ARFGAP2: variants seen among roughly 807,000 people sequenced by gnomAD.
ARFGAP2 encodes the protein ARF GTPase activating protein 2.
Under a neutral mutation model 71.9 loss-of-function variants are expected in ARFGAP2, and 45 were observed. The observed-to-expected ratio is 0.63, with a 90% CI of 0.49 to 0.80. ARFGAP2 has a LOEUF of 0.80. Ranked by LOEUF, ARFGAP2 falls within the 30% of genes least tolerant of loss-of-function variation. The pLI is 0.00. For synonymous variants in ARFGAP2, 248 were observed against 249.2 expected (o/e 1.00, Z 0.05); for missense variants, 633 against 673.9 (o/e 0.94, Z 0.67).
Position 47,173,478 on chromosome 11 carries a change from C to T in ARFGAP2, c.567G>A (p.Pro189=), listed in dbSNP as rs1364493455. The T allele has an allele frequency of 2.6e-6, 4 of 1,556,762 alleles. No homozygotes were observed. Among genetic ancestry groups the T allele is most frequent in the African/African-American group, 2.7e-5 (2 of 73,478 alleles). Residue 189 remains proline, a synonymous_variant, in exon 7 of 16, where the codon CCG becomes CCA. Transcript: ENST00000524782. ...GCAGGTCTGTGTTGGGGCCATGCTC[C>T]GGCTCTGTGGATGCAATGGTAGGAG... ...PSTESSGLAQ[P]EHGPNTDLLG... is the part of the protein sequence containing the mutation.
At chr11:47,175,997 C>T in intron 2 of ARFGAP2, 74 bp from the exon 3 acceptor site, 1 of 1,533,858 alleles carries the variant, frequency 6.5e-7, no homozygotes. Flanking sequence ...ATACCTGTCA[C>T]TTGGCCTCAG....
At chr11:47,174,872 G>C in intron 5 of ARFGAP2, 143 bp downstream of exon 5, 5 of 853,246 alleles carry the variant, frequency 5.9e-6, no homozygotes, top group Non-Finnish European at 9.5e-6. Context: ...GGCCTACCCA[G>C]CAGGAACAGT....
chr11:47,170,182 G>C (rs1382314999), intron 10 of ARFGAP2, among the ~76,000 whole-genome samples: 1 of 150,536 alleles, frequency 6.6e-6, no homozygotes, highest in Non-Finnish European at 1.5e-5. Flanking sequence ...AAATAAGCTG[G>C]GCATGGTGGC....
rs1952299430 is a variant in ARFGAP2 at position 47,165,165 on chromosome 11, A to C, written c.*317T>G. ...GGAAAGTCTGGACCCAGAATAAGCC[A>C]TCGTGGGGGAACCCCCTTTCCCAGT... On this transcript the variant is annotated 3_prime_UTR_variant, in exon 16 of 16. Coordinates refer to ENST00000524782, the MANE Select transcript of ARFGAP2 (RefSeq NM_032389.6). The C allele has an allele frequency of 2.8e-6, 1 of 358,058 alleles. No individual in the cohort carries two copies. 22.2% of individuals were successfully genotyped at this position (358,058 alleles called of 1,614,324 possible).
Position 47,171,895 on chromosome 11 carries a change from C to G in ARFGAP2, c.673-95G>C, listed in dbSNP as rs944197471. On this transcript the variant is annotated intron_variant, in intron 8 of 15. Coordinates refer to ENST00000524782, the MANE Select transcript of ARFGAP2 (RefSeq NM_032389.6). Reference sequence around the variant, plus strand: ...TGTAGCCACACCCACAAGGAAAAGGCCCTTCTTAAAATTTAGGGTAAAAAA... The same window carrying G: ...TGTAGCCACACCCACAAGGAAAAGGGCCTTCTTAAAATTTAGGGTAAAAAA... 4.0e-6 allele frequency: 6 copies of G among 1,517,638 alleles called. No individual in the cohort carries two copies. The African/African-American group carries it at 4.2e-5, about 11-fold the overall frequency. 94.0% of individuals were successfully genotyped at this position (1,517,638 alleles called of 1,614,324 possible).
At chr11:47,168,502 G>C (rs993156403) in intron 10 of ARFGAP2, 1 of 370,796 alleles carries the variant, frequency 2.7e-6, no homozygotes, top group African/African-American at 2.1e-5. Flanking sequence ...GGCCAGTGAC[G>C]GTTTGCCTGT....
At chr11:47,170,403 T>C (rs932653170) in intron 10 of ARFGAP2, among the ~76,000 whole-genome samples, 2 of 151,300 alleles carry the variant, frequency 1.3e-5, no homozygotes, top group Non-Finnish European at 2.9e-5. Context: ...CCCAGCACTT[T>C]GGGAGGCTGA....
chr11:47,173,002 A>G (rs1441825695), intron 7 of ARFGAP2: 1 of 355,632 alleles, frequency 2.8e-6, no homozygotes, highest in Non-Finnish European at 5.5e-6. Flanking sequence ...TGTAGGAAAG[A>G]GTTAAAGGAC....
At chr11:47,173,627 T>C in intron 6 of ARFGAP2, 132 bp downstream of exon 6, 2 of 1,416,468 alleles carry the variant, frequency 1.4e-6, no homozygotes, top group Non-Finnish European at 1.9e-6. Flanking sequence ...CTCCAAGGAT[T>C]AAAATGAATC....
chr11:47,165,797 C>T (rs913705926), intron 15 of ARFGAP2, among the ~76,000 whole-genome samples: 2 of 152,126 alleles, frequency 1.3e-5, no homozygotes, highest in Admixed American at 6.5e-5. Flanking sequence ...TGGAGAGGCC[C>T]GGCCCTGGCA....
At chr11:47,170,044 A>C (rs1199692684) in intron 10 of ARFGAP2, among the ~76,000 whole-genome samples, 1 of 151,652 alleles carries the variant, frequency 6.6e-6, no homozygotes, top group Non-Finnish European at 1.5e-5. Flanking sequence ...TAATCCAAGC[A>C]CTGGGCGCCG....
chr11:47,175,381 G>A (rs759246102), intron 3 of ARFGAP2, 68 bp from the exon 4 acceptor site: 6 of 1,608,158 alleles, frequency 3.7e-6, no homozygotes, highest in Non-Finnish European at 4.3e-6. Flanking sequence ...GTTGGCTGTA[G>A]GAGACATCTC....
At chr11:47,172,114 GCTTTAAATCCCTTTAAAT>G (rs1214450321) in intron 8 of ARFGAP2, 149 bp downstream of exon 8, 1 of 808,572 alleles carries the variant, frequency 1.2e-6, no homozygotes, top group Non-Finnish European at 2.0e-6. Flanking sequence ...TTGAAGACAG[GCTTTAAATCCCTTTAAAT>G]CTTTAAATCC....
intron 9 of ARFGAP2, 34 bp downstream of exon 9, chr11:47,171,630 G>A (rs776305378): frequency 1.9e-5 from 30 of 1,613,594 alleles, no homozygotes; most frequent in Admixed American, 3.3e-5. Flanking sequence ...ACCAAGCCCC[G>A]CAGAAGCCTG....
intron 7 of ARFGAP2, chr11:47,172,692 C>A (rs976423407): frequency 7.6e-7 from 1 of 1,308,658 alleles, no homozygotes. Context: ...CTGGGCTCCC[C>A]AAGCAGCTGT....
At chr11:47,165,987 T>A (rs1014427760) in intron 15 of ARFGAP2, among the ~76,000 whole-genome samples, 1 of 152,142 alleles carries the variant, frequency 6.6e-6, no homozygotes, top group African/African-American at 2.4e-5. Context: ...TGCCTCAGCA[T>A]CCCGAGTAGC....
chr11:47,168,401 C>T, intron 10 of ARFGAP2, 150 bp from the exon 11 acceptor site: 2 of 979,904 alleles, frequency 2.0e-6, no homozygotes, highest in Non-Finnish European at 2.9e-6. Context: ...GGCCAGACCC[C>T]AACAGAAGGC....
chr11:47,164,384 A>C lies in ARFGAP2; in HGVS notation c.*1098T>G. ...TTTCAATACAAACAGTCCAGAAAGAAAGTCAAGTCCCTCTGGGGGAGGGGC... is the reference window on the plus strand; with the variant it reads ...TTTCAATACAAACAGTCCAGAAAGACAGTCAAGTCCCTCTGGGGGAGGGGC... On this transcript the variant is annotated 3_prime_UTR_variant, in exon 16 of 16. Transcript: ENST00000524782. 9.4e-7 allele frequency: 1 copy of C among 1,069,406 alleles called. No individual in the cohort carries two copies. 66.2% of individuals were successfully genotyped at this position (1,069,406 alleles called of 1,614,324 possible).
At chr11:47,172,383 C>T in intron 7 of ARFGAP2, 50 bp from the exon 8 acceptor site, 1 of 1,586,774 alleles carries the variant, frequency 6.3e-7, no homozygotes, top group Non-Finnish European at 8.7e-7. Context: ...AGCTCAGAGG[C>T]AGTAGCTCAG....
Sources: gnomAD v4.1 joint callset for allele counts (sites outside exome capture counted in the v4.1 genomes callset) on GRCh38, gnomAD v4.1.1 for gene constraint, MANE v1.5 for transcripts, NCBI Gene and HGNC (gene_info 2026-07-23, HGNC 2026-07-21) for gene names.